The following SIPA1L2 variants were observed in gnomAD, a reference collection of about 807,000 sequenced individuals.
SIPA1L2 encodes the protein signal induced proliferation associated 1 like 2.
Under a neutral mutation model 163.9 loss-of-function variants are expected in SIPA1L2, and 56 were observed. The ratio of observed to expected loss-of-function variants is 0.34; its 90% confidence interval spans 0.28 to 0.43. SIPA1L2 has a LOEUF of 0.43. Ranked by LOEUF, SIPA1L2 falls within the 20% of genes least tolerant of loss-of-function variation. The probability of loss-of-function intolerance (pLI) is 1.00; values close to 1 mark genes in which losing one functional copy is unlikely to be tolerated. For missense variants in SIPA1L2, 1,974 were observed against 2,193.5 expected (o/e 0.90, Z 2.00); for synonymous variants, 877 against 865.7 (o/e 1.01, Z -0.23).
intron 1 of SIPA1L2, among the ~76,000 whole-genome samples, chr1:232,624,988 G>A (rs1662999858): frequency 1.3e-5 from 2 of 152,188 alleles, no homozygotes; most frequent in Admixed American, 1.3e-4. Context: ...TGTGACCCTA[G>A]TGTCTCAATC....
intron 1 of SIPA1L2, among the ~76,000 whole-genome samples, chr1:232,586,471 G>A (rs780111185): frequency 4.6e-5 from 7 of 152,110 alleles, no homozygotes; most frequent in Admixed American, 2.0e-4. Flanking sequence ...AAGACCGAAC[G>A]ACTCCAACCT....
At chr1:232,424,024 G>A (rs991691553) in intron 18 of SIPA1L2, among the ~76,000 whole-genome samples, 1 of 152,184 alleles carries the variant, frequency 6.6e-6, no homozygotes, top group Admixed American at 6.5e-5. Flanking sequence ...TTTTAGGGCA[G>A]TGTAACTACT....
chr1:232,572,744 T>TAC (rs1558277526), intron 2 of SIPA1L2, among the ~76,000 whole-genome samples: 170 of 95,916 alleles, frequency 1.8e-3, no homozygotes, highest in African/African-American at 5.9e-3. Context: ...CATACATATA[T>TAC]ATATATATAT....
intron 10 of SIPA1L2, 111 bp downstream of exon 10, chr1:232,460,776 C>T: frequency 7.5e-7 from 1 of 1,333,298 alleles, no homozygotes; most frequent in South Asian, 1.5e-5. Context: ...GAACACTGTA[C>T]AAAGACACAC....
At chr1:232,436,013 T>G (rs945125522) in intron 15 of SIPA1L2, among the ~76,000 whole-genome samples, 3 of 152,138 alleles carry the variant, frequency 2.0e-5, no homozygotes, top group Non-Finnish European at 4.4e-5. Flanking sequence ...ATGGTGTCGG[T>G]TGTGAAAACC....
chr1:232,523,353 T>A (rs990710145), intron 2 of SIPA1L2, among the ~76,000 whole-genome samples: 4 of 152,218 alleles, frequency 2.6e-5, no homozygotes, highest in Admixed American at 6.5e-5. Context: ...GAGATAGCCC[T>A]CACCTCCTTC....
chr1:232,442,162 A>G (rs1662940963), intron 12 of SIPA1L2, among the ~76,000 whole-genome samples: 1 of 152,152 alleles, frequency 6.6e-6, no homozygotes, highest in South Asian at 2.1e-4. Flanking sequence ...CCAGGATCAA[A>G]CAATGTACCT....
intron 2 of SIPA1L2, among the ~76,000 whole-genome samples, chr1:232,557,669 TGA>T (rs111283603): frequency 6.6e-6 from 1 of 152,222 alleles, no homozygotes; most frequent in Admixed American, 6.5e-5. Flanking sequence ...TTCCGTGTTC[TGA>T]GAGACACAAC....
chr1:232,482,136 C>A (rs1364642153), intron 6 of SIPA1L2, among the ~76,000 whole-genome samples: 4 of 152,130 alleles, frequency 2.6e-5, no homozygotes, highest in African/African-American at 9.7e-5. Flanking sequence ...TTCTCATCTC[C>A]TTGAGCTAAG....
At chr1:232,483,003 A>C (rs1355274505) in intron 6 of SIPA1L2, among the ~76,000 whole-genome samples, 3 of 152,122 alleles carry the variant, frequency 2.0e-5, no homozygotes, top group Non-Finnish European at 4.4e-5. Context: ...ATATGCATCA[A>C]ATTACTCTGC....
chr1:232,489,083 A>T (rs1441092477), intron 5 of SIPA1L2, among the ~76,000 whole-genome samples: 2 of 152,154 alleles, frequency 1.3e-5, no homozygotes, highest in African/African-American at 4.8e-5. Context: ...CCATCTGTAA[A>T]ACTTTCTAGA....
intron 1 of SIPA1L2, among the ~76,000 whole-genome samples, chr1:232,606,280 G>A (rs17805885): frequency 0.16 from 24,309 of 152,138 alleles, 2,429 homozygotes; most frequent in Middle Eastern, 0.3. Context: ...ATTAACAGGC[G>A]TGAAAGAGGA....
chr1:232,477,555 T>C (rs1368608409), intron 7 of SIPA1L2, among the ~76,000 whole-genome samples: 1 of 152,160 alleles, frequency 6.6e-6, no homozygotes, highest in Non-Finnish European at 1.5e-5. Context: ...TTGGAATGTA[T>C]AGCCTCAACT....
At chr1:232,410,952 G>C (rs539886086) in intron 19 of SIPA1L2, among the ~76,000 whole-genome samples, 1 of 152,274 alleles carries the variant, frequency 6.6e-6, no homozygotes, top group East Asian at 1.9e-4. Context: ...GCCTGCCAAG[G>C]TTTGCAGAAA....
chr1:232,479,608 C>G lies in SIPA1L2; in HGVS notation c.2085+19G>C. 1.2e-6 allele frequency: 2 copies of G among 1,603,430 alleles called. No individual in the cohort carries two copies. The highest frequency in any genetic ancestry group is 1.7e-6 in the Non-Finnish European group (2 of 1,170,552). On this transcript the variant is annotated intron_variant, in intron 7 of 22. Coordinates refer to ENST00000674635, the MANE Select transcript of SIPA1L2 (RefSeq NM_020808.5). ...ATTTCATACTCAGCGTAAAAAGCTC[C>G]AGGCTGGGGAGGACATACCTGTTGT...
intron 2 of SIPA1L2, among the ~76,000 whole-genome samples, chr1:232,546,168 G>A (rs1452862103): frequency 6.6e-6 from 1 of 152,172 alleles, no homozygotes; most frequent in Non-Finnish European, 1.5e-5. Context: ...GACAAGAAAA[G>A]TGCACTCTGC....
chr1:232,428,467 C>G lies in SIPA1L2; in HGVS notation c.4354G>C (p.Asp1452His), dbSNP rs1366197830. 1 of 1,582,138 alleles carries G rather than the reference C, an allele frequency of 6.3e-7. No individual in the cohort carries two copies. The highest frequency in any genetic ancestry group is 1.4e-5 in the African/African-American group (1 of 72,694). ...AETQHVLSKE[D>H]FLKLMLPDSP... Reference sequence around the variant, plus strand: ...TCAGGAAGCATCAATTTCAGAAAATCTTCTTTAGACAGAACATGTTGAGTC... The same window carrying G: ...TCAGGAAGCATCAATTTCAGAAAATGTTCTTTAGACAGAACATGTTGAGTC... The change falls in exon 17 of 23, where the codon GAT becomes CAT. Residue 1452 changes from aspartate (D) to histidine (H), a missense_variant. Transcript: ENST00000674635.
chr1:232,490,800 G>T, intron 5 of SIPA1L2, 74 bp downstream of exon 5: 1 of 1,418,896 alleles, frequency 7.0e-7, no homozygotes. Flanking sequence ...AAGAAAGATG[G>T]ATGGGAAAAC....
chr1:232,620,974 T>C (rs1318344276), intron 1 of SIPA1L2, among the ~76,000 whole-genome samples: 1 of 152,232 alleles, frequency 6.6e-6, no homozygotes, highest in Admixed American at 6.5e-5. Context: ...CTGAAATGTA[T>C]TTAGGGATTC....
Sources: allele counts gnomAD v4.1 joint callset (sites outside exome capture counted in the v4.1 genomes callset), GRCh38; gene constraint gnomAD v4.1.1; transcripts MANE v1.5; gene names NCBI Gene and HGNC (gene_info 2026-07-23, HGNC 2026-07-21).